The following SNX1 variants were observed in gnomAD, a reference collection of about 807,000 sequenced individuals.
The protein encoded by SNX1 is sorting nexin-1.
In SNX1, 36 loss-of-function variants were observed where a neutral mutation model predicts 71.8. The ratio of observed to expected loss-of-function variants is 0.50; its 90% CI spans 0.38 to 0.66. SNX1 has a LOEUF of 0.66. Ranked by LOEUF, SNX1 falls within the 30% of genes least tolerant of loss-of-function variation. SNX1 has a pLI of 0.00. For missense variants in SNX1, 612 were observed against 646.7 expected, an observed-to-expected ratio of 0.95 and a Z score of 0.58; for synonymous variants, 254 against 240.7, an observed-to-expected ratio of 1.06 and a Z score of -0.51.
chr15:64,110,722 AAGTT>A (rs1160247979), intron 1 of SNX1, among the ~76,000 whole-genome samples: 1 of 152,134 alleles, frequency 6.6e-6, no homozygotes, highest in Non-Finnish European at 1.5e-5. Flanking sequence ...CTTTTGAAAA[AAGTT>A]AGGTGGAGGA....
Position 64,137,729 on chromosome 15 carries a change from C to G in SNX1, c.*111C>G, listed in dbSNP as rs564651032. ...ATCCTGCCTAGGCTGGACTTAACCC[C>G]TTCCTCCCTGTCCCCACGACCAACT... On this transcript the variant is annotated 3_prime_UTR_variant, in exon 15 of 15. Transcript: ENST00000559844. 11 of 1,556,256 alleles carry G rather than the reference C, an allele frequency of 7.1e-6. No individual in the cohort carries two copies. In the South Asian group the frequency reaches 1.1e-4, roughly 15 times the overall value.
intron 1 of SNX1, among the ~76,000 whole-genome samples, chr15:64,108,915 G>A (rs1390123936): frequency 6.6e-6 from 1 of 151,626 alleles, no homozygotes; most frequent in Non-Finnish European, 1.5e-5. Flanking sequence ...TTGAACCTCA[G>A]AGGTAGAGGT....
chr15:64,119,230 C>T (rs530407248), intron 4 of SNX1, among the ~76,000 whole-genome samples: 2 of 152,184 alleles, frequency 1.3e-5, no homozygotes, highest in Non-Finnish European at 2.9e-5. Flanking sequence ...GCAGTCCTCC[C>T]GCCTGAGCCA....
intron 14 of SNX1, 89 bp from the exon 15 acceptor site, chr15:64,137,479 G>A (rs975193770): frequency 4.3e-5 from 63 of 1,468,992 alleles, no homozygotes; most frequent in Non-Finnish European, 5.6e-5. Flanking sequence ...CTTGGGGAGC[G>A]CCAGGGTACT....
rs200844807 is a variant in SNX1, at chr15:64,138,781, G to A, written c.*1163G>A. 2.0e-5 allele frequency: 3 copies of A among 152,464 alleles called. No individual in the cohort carries two copies. In the East Asian group the frequency reaches 5.8e-4, roughly 29 times the overall value. 9.4% of individuals were successfully genotyped at this position (152,464 alleles called of 1,614,324 possible). The stretch of plus-strand genomic sequence containing the variant: ...CTTAGCTGTGTCCACAGCTGCTCAA[G>A]CTATACTGGTCAGAGTGGGCTTTGA... On this transcript the variant is annotated 3_prime_UTR_variant, in exon 15 of 15. Transcript: ENST00000559844.
chr15:64,139,183 T>C lies in SNX1; in HGVS notation c.*1565T>C, dbSNP rs1466681154. ...AATAATATACACATAAAGTATTTTG[T>C]ATCCTGCTTTTATCATTCAACATTG... On this transcript the variant is annotated 3_prime_UTR_variant, in exon 15 of 15. Transcript: ENST00000559844. 1 of 152,116 alleles carries C rather than the reference T, an allele frequency of 6.6e-6. No homozygotes were observed. Among genetic ancestry groups the C allele is most frequent in the Non-Finnish European group, 1.5e-5 (1 of 68,022 alleles). The allele number at this position is 152,116 out of a possible 1,614,324, so 9.4% of individuals were successfully genotyped here. A position where few individuals can be genotyped will look rare whatever the true frequency, so the allele number is the denominator to read the frequency against.
In SNX1 at chr15:64,143,038, GAA is replaced by G. The variant is rs2140169615; in HGVS notation, c.*5421_*5422del. On this transcript the variant is annotated 3_prime_UTR_variant, in exon 15 of 15. Coordinates refer to ENST00000559844, the MANE Select transcript of SNX1 (RefSeq NM_003099.5). ...TGCCGAGCACACTCAGGGCCCACGGGAAGCCCATAGACTTCAAGGACATCAAG... is the reference window on the plus strand; with the variant it reads ...TGCCGAGCACACTCAGGGCCCACGGGGCCCATAGACTTCAAGGACATCAAG... The G allele has an allele frequency of 5.1e-6, 1 of 196,508 alleles. No homozygotes were observed. The highest frequency in any genetic ancestry group is 7.9e-5 in the South Asian group (1 of 12,612). The allele number at this position is 196,508 out of a possible 1,614,324, so 12.2% of individuals were successfully genotyped here.
chr15:64,124,822 A>G (rs796478942), intron 5 of SNX1, among the ~76,000 whole-genome samples: 1 of 152,302 alleles, frequency 6.6e-6, no homozygotes, highest in African/African-American at 2.4e-5. Flanking sequence ...TCTTTGTACC[A>G]ATTTGTACCC....
At chr15:64,127,331 G>C (rs2081264252) in intron 7 of SNX1, 79 bp downstream of exon 7, 5 of 1,078,654 alleles carry the variant, frequency 4.6e-6, no homozygotes, top group African/African-American at 1.6e-5. Context: ...TGACGAGACA[G>C]TCCATTGAGT....
rs1483755837 is a variant in SNX1, at chr15:64,143,603, A to G, written c.*5985A>G. The G allele has an allele frequency of 1.3e-5, 2 of 152,148 alleles. No individual in the cohort carries two copies. Among genetic ancestry groups the G allele is most frequent in the South Asian group, 2.1e-4 (1 of 4,830 alleles). The allele number at this position is 152,148 out of a possible 1,614,324, so 9.4% of individuals were successfully genotyped here. ...CATGGAAACTGATTGCAAATGTGCT[A>G]CTTCTCACTTCTGTGTGGCCCGAGG... On this transcript the variant is annotated 3_prime_UTR_variant, in exon 15 of 15. Coordinates refer to ENST00000559844, the MANE Select transcript of SNX1 (RefSeq NM_003099.5).
chr15:64,136,404 G>A lies in SNX1; in HGVS notation c.1440G>A (p.Arg480=). 2 of 1,613,636 alleles carry A rather than the reference G, an allele frequency of 1.2e-6. No individual in the cohort carries two copies. The highest frequency in any genetic ancestry group is 1.1e-5 in the South Asian group (1 of 91,070). ...CAGTGGTCCGAAAAGAAGTGATACG[G>A]TTTGAGGTGAGATAGAAAATCCTAC... ...ISTVVRKEVI[R]FEKEKSKDFK... The change falls in exon 13 of 15, where the codon CGG becomes CGA. Residue 480 remains arginine (R), a synonymous_variant. Coordinates refer to ENST00000559844, the MANE Select transcript of SNX1 (RefSeq NM_003099.5).
intron 4 of SNX1, among the ~76,000 whole-genome samples, chr15:64,121,453 G>A (rs141155247): frequency 3.3e-5 from 5 of 152,210 alleles, no homozygotes; most frequent in Admixed American, 6.5e-5. Context: ...CTTCCTAAGC[G>A]TCTCCACATT....
At chr15:64,136,567 C>G (rs2081362319) in intron 13 of SNX1, among the ~76,000 whole-genome samples, 157 bp downstream of exon 13, 1 of 152,114 alleles carries the variant, frequency 6.6e-6, no homozygotes, top group Non-Finnish European at 1.5e-5. Flanking sequence ...TGTGCTTGAT[C>G]CTAGGAACAG....
chr15:64,112,552 A>G, intron 1 of SNX1, 21 bp from the exon 2 acceptor site: 1 of 1,524,992 alleles, frequency 6.6e-7, no homozygotes, highest in East Asian at 2.3e-5. Flanking sequence ...TGTTTTATTC[A>G]GAGTATCTCT....
At position 64,118,955 on chromosome 15, in the gene SNX1, G is replaced by A. The variant is rs113574549; in HGVS notation, c.466+101G>A. The A allele has an allele frequency of 1.0e-3, 835 of 796,436 alleles. 4 individuals carry two copies. The African/African-American group carries it at 0.014, about 13-fold the overall frequency. The allele number at this position is 796,436 out of a possible 1,614,324, so 49.3% of individuals were successfully genotyped here. On this transcript the variant is annotated intron_variant, in intron 4 of 14. Transcript: ENST00000559844. ...TACCCCCAGAGTTGAACTAGCCAATGTGAAGTACTTCATTAGTATCTTTTC... is the reference window on the plus strand; with the variant it reads ...TACCCCCAGAGTTGAACTAGCCAATATGAAGTACTTCATTAGTATCTTTTC...
intron 1 of SNX1, among the ~76,000 whole-genome samples, chr15:64,099,585 G>T (rs1240795401): frequency 6.6e-6 from 1 of 152,220 alleles, no homozygotes; most frequent in Non-Finnish European, 1.5e-5. Flanking sequence ...CCAGGAGCTT[G>T]AGGCTTTAGT....
At chr15:64,137,460 TG>T in intron 14 of SNX1, 107 bp from the exon 15 acceptor site, 1 of 1,210,250 alleles carries the variant, frequency 8.3e-7, no homozygotes, top group South Asian at 1.3e-5. Flanking sequence ...TGCCTTTGTG[TG>T]GCAGGCGCTT....
rs199766690 is a variant in SNX1 at position 64,134,805 on chromosome 15, G to A, written c.1363G>A (p.Glu455Lys). 8.9e-5 allele frequency: 143 copies of A among 1,613,824 alleles called. 1 individual carries two copies. In the East Asian group the frequency reaches 3.0e-3, roughly 34 times the overall value. Residue 455 changes from glutamate (E) to lysine (K), a missense_variant and splice_region_variant, in exon 12 of 15, where the codon GAG becomes AAG. Glu to Lys is a moderately conservative substitution (Grantham distance 56). Around this residue, in one of 2 missense-constraint regions of SNX1, gnomAD observed 296 missense variants for 361.9 expected, o/e 0.82. Coordinates refer to ENST00000559844, the MANE Select transcript of SNX1 (RefSeq NM_003099.5). This position sits in a 1 kb window ranked among gnomAD's most constrained non-coding sequence, Gnocchi z 4.1. Reference protein sequence around the residue: ...KLQQAKDEILEWESRVTQYER... With the variant: ...KLQQAKDEILKWESRVTQYER... Reference sequence around the variant, plus strand: ...GCAGCAGGCCAAGGACGAGATCCTCGAGGTGAGTCCACTGAGGCAGCCCAG... The same window carrying A: ...GCAGCAGGCCAAGGACGAGATCCTCAAGGTGAGTCCACTGAGGCAGCCCAG...
chr15:64,106,497 C>A (rs2081023467), intron 1 of SNX1, among the ~76,000 whole-genome samples: 1 of 152,202 alleles, frequency 6.6e-6, no homozygotes, highest in South Asian at 2.1e-4. Context: ...TAATGCCCCC[C>A]TTCCTTTTCC....
Sources: allele counts gnomAD v4.1 joint callset (sites outside exome capture counted in the v4.1 genomes callset), GRCh38; gene constraint gnomAD v4.1.1; regional missense constraint gnomAD v4.1.1; non-coding constraint Gnocchi (gnomAD v3.1); transcripts MANE v1.5; gene names NCBI Gene and HGNC (gene_info 2026-07-23, HGNC 2026-07-21).